VCL: variants seen among roughly 807,000 people sequenced by gnomAD.
VCL encodes the protein epididymis luminal protein 114.
A neutral mutation model predicts 125.7 loss-of-function variants in VCL; 47 were observed. That is an observed-to-expected ratio of 0.37 (90% CI 0.30 to 0.48). The LOEUF is 0.48. VCL is among the 20% of genes least tolerant of loss of function. VCL has a pLI of 0.99. For synonymous variants in VCL, 458 were observed against 514.6 expected, an observed-to-expected ratio of 0.89 and a Z score of 1.49; for missense variants, 1,069 against 1,455.5, an observed-to-expected ratio of 0.73 and a Z score of 4.32.
At chr10:74,054,647 G>A (rs935505781) in intron 2 of VCL, among the ~76,000 whole-genome samples, 2 of 152,240 alleles carry the variant, frequency 1.3e-5, no homozygotes, top group East Asian at 1.9e-4. Flanking sequence ...TAGGCTGGGC[G>A]TGGTGGCTCA....
chr10:74,010,543 T>C (rs537898606), intron 1 of VCL, among the ~76,000 whole-genome samples: 27 of 152,244 alleles, frequency 1.8e-4, no homozygotes, highest in South Asian at 4.1e-4. Context: ...TTGAACTTGA[T>C]TTGCATCATT....
downstream of VCL, chr10:74,120,173 T>C (rs1395135968): frequency 6.6e-6 from 1 of 152,240 alleles, no homozygotes; most frequent in Non-Finnish European, 1.5e-5. Flanking sequence ...CTTTAAATGA[T>C]GGATATGTTA....
intron 2 of VCL, among the ~76,000 whole-genome samples, chr10:74,058,324 G>A (rs1214586536): frequency 6.6e-6 from 1 of 152,078 alleles, no homozygotes; most frequent in African/African-American, 2.4e-5. Flanking sequence ...ATATGTTTGT[G>A]GGCTCTGCAA....
At chr10:74,105,434 A>G in intron 16 of VCL, 81 bp downstream of exon 16, 2 of 1,563,836 alleles carry the variant, frequency 1.3e-6, no homozygotes, top group Non-Finnish European at 1.8e-6. Flanking sequence ...GTACCCCACA[A>G]CCACCACATA....
In VCL at chr10:74,032,709, A is replaced by ATAT. The variant is rs1186685778; in HGVS notation, c.169-10374_169-10373insTAT. Among the ~76,000 whole-genome samples, 3 of 138,072 alleles carry ATAT rather than the reference A, an allele frequency of 2.2e-5. No individual in the cohort carries two copies. In the East Asian group the frequency reaches 6.0e-4, roughly 27 times the overall value. 90.6% of individuals were successfully genotyped at this position (138,072 alleles called of 152,430 possible). A position where few individuals can be genotyped will look rare whatever the true frequency, so the allele number is the denominator to read the frequency against. ...AGTAAGTCTCGGTCTCAAAAAAAAA[A>ATAT]ATATATATATATATATATATATTGG... On this transcript the variant is annotated intron_variant, in intron 1 of 21. Coordinates refer to ENST00000211998, the MANE Select transcript of VCL (RefSeq NM_014000.3).
At chr10:74,024,079 A>C (rs1429101651) in intron 1 of VCL, among the ~76,000 whole-genome samples, 2 of 152,124 alleles carry the variant, frequency 1.3e-5, no homozygotes, top group Non-Finnish European at 2.9e-5. Context: ...TTTTAATTGG[A>C]GGTCTTGCCA....
chr10:74,109,885 C>A (rs533252694), intron 18 of VCL, among the ~76,000 whole-genome samples: 3 of 152,186 alleles, frequency 2.0e-5, no homozygotes, highest in Non-Finnish European at 4.4e-5. Flanking sequence ...TCTAATATGA[C>A]CCTAGATCTT....
chr10:74,021,174 T>A (rs1437384027), intron 1 of VCL, among the ~76,000 whole-genome samples: 5 of 152,002 alleles, frequency 3.3e-5, no homozygotes, highest in Non-Finnish European at 7.4e-5. Context: ...ATGAAGCTCT[T>A]CCCAGGCTGC....
intron 1 of VCL, among the ~76,000 whole-genome samples, chr10:74,030,447 T>C (rs1840854717): frequency 6.6e-6 from 1 of 152,212 alleles, no homozygotes; most frequent in Non-Finnish European, 1.5e-5. Context: ...ATCTTTCTCA[T>C]AGCTCTTACA....
At chr10:74,094,892 C>T (rs2131915181) in intron 11 of VCL, among the ~76,000 whole-genome samples, 1 of 152,176 alleles carries the variant, frequency 6.6e-6, no homozygotes, top group East Asian at 1.9e-4. Context: ...TATGATCACA[C>T]CACTGCATTC....
chr10:74,081,637 A>G lies in VCL; in HGVS notation c.784-817A>G, dbSNP rs184001149. Among the ~76,000 whole-genome samples the G allele has an allele frequency of 2.0e-5, 3 of 152,350 alleles. No individual in the cohort carries two copies. In the East Asian group the frequency reaches 5.8e-4, roughly 29 times the overall value. ...TCTCTGTGTTTTTATGTGTTTAAAA[A>G]AATTTACGGAAATACTTAAATACAT... On this transcript the variant is annotated intron_variant, in intron 6 of 21. Transcript: ENST00000211998.
At chr10:74,107,561 GTGTA>G (rs960088858) in intron 17 of VCL, among the ~76,000 whole-genome samples, 14 of 152,152 alleles carry the variant, frequency 9.2e-5, no homozygotes, top group African/African-American at 3.4e-4. Context: ...GTGTGTGTGT[GTGTA>G]GTACTGGTGT....
chr10:73,998,195 G>C lies in VCL; in HGVS notation c.-13G>C. ...TCTGTCGCCCGCGGTTCGCCGCCCC[G>C]CTCGCCGCCGCGATGCCAGTGTTTC... On this transcript the variant is annotated 5_prime_UTR_variant, in exon 1 of 22. Transcript: ENST00000211998. 1 of 1,610,466 alleles carries C rather than the reference G, an allele frequency of 6.2e-7. No homozygotes were observed. The highest frequency in any genetic ancestry group is 1.1e-5 in the South Asian group (1 of 90,490).
chr10:74,114,434 T>TGTGTGTGTGTGTGTGC (rs138018528), intron 20 of VCL, 47 bp downstream of exon 20: 2 of 1,416,636 alleles, frequency 1.4e-6, no homozygotes, highest in African/African-American at 2.9e-5. Flanking sequence ...TGTGTGTGTG[T>TGTGTGTGTGTGTGTGC]GTGCGTGTGT....
At position 73,998,227 on chromosome 10, in the gene VCL, G is replaced by T. The variant is rs764871020; in HGVS notation, c.20G>T (p.Arg7Leu). 2.9e-5 allele frequency: 47 copies of T among 1,612,820 alleles called. No homozygotes were observed. The highest frequency in any genetic ancestry group is 4.0e-5 in the Non-Finnish European group (47 of 1,179,502). MPVFHT[R>L]TIESILEPVA... ...GCCGCGATGCCAGTGTTTCATACGC[G>T]CACGATCGAGAGCATCCTGGAGCCG... Residue 7 changes from arginine to leucine, a missense_variant, in exon 1 of 22, where the codon CGC becomes CTC. Coordinates refer to ENST00000211998, the MANE Select transcript of VCL (RefSeq NM_014000.3).
chr10:74,064,719 T>C (rs1199168205), intron 2 of VCL, among the ~76,000 whole-genome samples: 2 of 152,162 alleles, frequency 1.3e-5, no homozygotes, highest in African/African-American at 2.4e-5. Context: ...CAAAGACACT[T>C]TTAAGTGTCA....
Position 74,109,008 on chromosome 10 carries a change from C to G in VCL, c.2597C>G (p.Pro866Arg), listed in dbSNP as rs1209592092. Residue 866 changes from proline to arginine, a missense_variant, in exon 18 of 22, where the codon CCT (proline) becomes CGT (arginine). Physicochemically the swap from Pro to Arg is moderately radical, Grantham distance 103. This residue lies in a region of VCL where 28 missense variants were observed against 65.1 expected (regional missense o/e 0.43). Transcript: ENST00000211998. ...DELAPPKPPL[P>R]EGEVPPPRPP... The stretch of plus-strand genomic sequence containing the variant: ...CTTGCTCCTCCCAAACCACCTCTGC[C>G]TGAAGGTGAGGTCCCTCCACCTAGG... 1 of 1,614,102 alleles carries G rather than the reference C, an allele frequency of 6.2e-7. No individual in the cohort carries two copies.
At chr10:74,109,989 G>A (rs1364288659) in intron 18 of VCL, among the ~76,000 whole-genome samples, 1 of 151,920 alleles carries the variant, frequency 6.6e-6, no homozygotes, top group Admixed American at 6.6e-5. Context: ...CTCTTGTGTC[G>A]ATTGTATTTC....
chr10:74,092,314 A>G (rs945338802), intron 10 of VCL, among the ~76,000 whole-genome samples: 1 of 152,148 alleles, frequency 6.6e-6, no homozygotes, highest in African/African-American at 2.4e-5. Flanking sequence ...TTGTATTTTT[A>G]TAATGGTTAG....
Sources: allele counts gnomAD v4.1 joint callset (sites outside exome capture counted in the v4.1 genomes callset), GRCh38; gene constraint gnomAD v4.1.1; regional missense constraint gnomAD v4.1.1; transcripts MANE v1.5; gene names NCBI Gene and HGNC (gene_info 2026-07-23, HGNC 2026-07-21).